MALRD1: variants seen among roughly 807,000 people sequenced by gnomAD.
MALRD1 encodes MAM and LDL receptor class A domain containing 1, also known as MAM and LDL-receptor class A domain-containing protein 1.
In MALRD1, 247 loss-of-function variants were observed where a neutral mutation model predicts 242.1. That is an observed-to-expected ratio of 1.02 (90% confidence interval 0.92 to 1.13). MALRD1 has a LOEUF of 1.13. Among genes scored for constraint, MALRD1 ranks in the 50% most tolerant of loss-of-function variants. The pLI is 0.00. For synonymous variants in MALRD1, 995 were observed against 866.6 expected, an observed-to-expected ratio of 1.15 and a Z score of -2.60; for missense variants, 2,989 against 2,533.1, an observed-to-expected ratio of 1.18 and a Z score of -3.86.
rs1835109539 is a variant in MALRD1, at chr10:19,173,829, T to C, written c.1831-1379T>C. 1.3e-5 allele frequency among the ~76,000 whole-genome samples: 2 copies of C among 152,204 alleles called. 1 individual carries two copies. The highest frequency in any genetic ancestry group is 4.8e-5 in the African/African-American group (2 of 41,454). ...GTCTTCTTTGAGTCTCCTAGTATCT[T>C]ATACTTATTTCTTATACAGCATTTA... On this transcript the variant is annotated intron_variant, in intron 13 of 39. Coordinates refer to ENST00000454679, the MANE Select transcript of MALRD1 (RefSeq NM_001142308.3).
At chr10:19,644,754 A>T (rs1291320553) in intron 36 of MALRD1, among the ~76,000 whole-genome samples, 2 of 152,178 alleles carry the variant, frequency 1.3e-5, no homozygotes, top group Admixed American at 6.5e-5. Context: ...TTACTTTCAG[A>T]TGGTGAATTT....
At position 19,217,760 on chromosome 10, in the gene MALRD1, G is replaced by A. The variant is rs979548941; in HGVS notation, c.2991+8080G>A. Among the ~76,000 whole-genome samples the A allele has an allele frequency of 9.2e-5, 14 of 151,956 alleles. 1 individual carries two copies. Among genetic ancestry groups the A allele is most frequent in the African/African-American group, 3.4e-4 (14 of 41,428 alleles). ...AGGATGGTCTCGATCTCTTGACCTT[G>A]TGATCTGCCCACGTTGGCCTCCCAA... On this transcript the variant is annotated intron_variant, in intron 18 of 39. Coordinates refer to ENST00000454679, the MANE Select transcript of MALRD1 (RefSeq NM_001142308.3).
At chr10:19,314,846 C>A (rs769096365) in intron 21 of MALRD1, among the ~76,000 whole-genome samples, 6 of 150,992 alleles carry the variant, frequency 4.0e-5, no homozygotes, top group South Asian at 2.1e-4. Flanking sequence ...TGTAGACCAG[C>A]GCAACGTGAA....
intron 4 of MALRD1, among the ~76,000 whole-genome samples, chr10:19,095,263 C>T (rs1434799617): frequency 6.6e-6 from 1 of 152,138 alleles, no homozygotes; most frequent in Non-Finnish European, 1.5e-5. Flanking sequence ...GGCATAGTTT[C>T]TTAATTGATT....
At chr10:19,526,092 A>ATTTT (rs1351807578) in intron 31 of MALRD1, among the ~76,000 whole-genome samples, 6 of 149,428 alleles carry the variant, frequency 4.0e-5, no homozygotes, top group Admixed American at 1.3e-4. Flanking sequence ...TATATTCTGA[A>ATTTT]CTTTGTGCAA....
At chr10:19,303,286 G>C (rs1049222605) in intron 21 of MALRD1, among the ~76,000 whole-genome samples, 12 of 151,534 alleles carry the variant, frequency 7.9e-5, no homozygotes, top group African/African-American at 2.9e-4. Context: ...AATTACTACA[G>C]AGACAACAAT....
chr10:19,467,207 T>G, intron 29 of MALRD1, among the ~76,000 whole-genome samples: 1 of 113,992 alleles, frequency 8.8e-6, no homozygotes, highest in African/African-American at 3.2e-5. Flanking sequence ...ACAAAAAAAT[T>G]AGCCGGGTGT....
chr10:19,343,558 C>A (rs1308760075), intron 24 of MALRD1, among the ~76,000 whole-genome samples: 1 of 152,062 alleles, frequency 6.6e-6, no homozygotes, highest in Non-Finnish European at 1.5e-5. Context: ...TTTGCTTTAT[C>A]ATGTTGAGAA....
chr10:19,588,451 C>G (rs1237215440), intron 33 of MALRD1, among the ~76,000 whole-genome samples: 1 of 152,110 alleles, frequency 6.6e-6, no homozygotes, highest in Non-Finnish European at 1.5e-5. Context: ...AGTGTCCAAG[C>G]TCTATTTGAA....
intron 21 of MALRD1, among the ~76,000 whole-genome samples, chr10:19,293,472 T>A (rs1841545362): frequency 6.6e-6 from 1 of 152,214 alleles, no homozygotes; most frequent in Non-Finnish European, 1.5e-5. Context: ...TTATTTGCAT[T>A]TTCATATATA....
chr10:19,525,967 G>A (rs1164362970), intron 31 of MALRD1, among the ~76,000 whole-genome samples: 1 of 152,152 alleles, frequency 6.6e-6, no homozygotes, highest in Non-Finnish European at 1.5e-5. Flanking sequence ...TTCTGTGAAT[G>A]TTGTTGATCT....
intron 36 of MALRD1, among the ~76,000 whole-genome samples, chr10:19,666,452 A>G (rs1841688834): frequency 6.6e-6 from 1 of 152,150 alleles, no homozygotes; most frequent in African/African-American, 2.4e-5. Context: ...CTTTCACTGC[A>G]GTATTCCCTG....
chr10:19,524,130 T>C (rs1035058197), intron 31 of MALRD1, among the ~76,000 whole-genome samples: 1 of 152,102 alleles, frequency 6.6e-6, no homozygotes, highest in Non-Finnish European at 1.5e-5. Context: ...TCTGACAACT[T>C]TGAGGAAACT....
intron 36 of MALRD1, among the ~76,000 whole-genome samples, chr10:19,689,121 C>G (rs1242054641): frequency 6.6e-6 from 1 of 152,188 alleles, no homozygotes; most frequent in African/African-American, 2.4e-5. Flanking sequence ...GTACAGACAT[C>G]TGACCTTAAG....
intron 11 of MALRD1, among the ~76,000 whole-genome samples, chr10:19,154,533 AT>A (rs1026863617): frequency 5.9e-5 from 9 of 152,158 alleles, no homozygotes; most frequent in African/African-American, 1.7e-4. Context: ...TCCCCTGCAC[AT>A]TTGCCATGAG....
In MALRD1 at chr10:19,155,969, A is replaced by G. The variant is rs540896566; in HGVS notation, c.1656+797A>G. 5.3e-5 allele frequency among the ~76,000 whole-genome samples: 8 copies of G among 152,290 alleles called. No individual in the cohort carries two copies. In the South Asian group the frequency reaches 1.7e-3, roughly 32 times the overall value. ...TCCATAAAAGTAACACCTAAATCAGAGGTCTGTATTCAGCTTGTCTTATTT... is the reference window on the plus strand; with the variant it reads ...TCCATAAAAGTAACACCTAAATCAGGGGTCTGTATTCAGCTTGTCTTATTT... On this transcript the variant is annotated intron_variant, in intron 12 of 39. Transcript: ENST00000454679.
At position 19,203,832 on chromosome 10, in the gene MALRD1, T is replaced by C; in HGVS notation, c.2056T>C (p.Phe686Leu). ...RSSQSELSAD[F>L]EHQAPPRDHS... ...CTCTCAGAGTGAACTTTCTGCTGAT[T>C]TTGAGCACCAGGCTCCACCTCGGGA... The change falls in exon 15 of 40, where the codon TTT becomes CTT. Residue 686 changes from phenylalanine (F) to leucine (L), a missense_variant. Coordinates refer to ENST00000454679, the MANE Select transcript of MALRD1 (RefSeq NM_001142308.3). 2 of 1,550,540 alleles carry C rather than the reference T, an allele frequency of 1.3e-6. No individual in the cohort carries two copies. Among genetic ancestry groups the C allele is most frequent in the Non-Finnish European group, 1.7e-6 (2 of 1,146,922 alleles).
chr10:19,114,621 GA>G (rs969346767), intron 5 of MALRD1, among the ~76,000 whole-genome samples: 265 of 150,422 alleles, frequency 1.8e-3, no homozygotes, highest in African/African-American at 6.1e-3. Flanking sequence ...CTCTGTCCTG[GA>G]AAAAAAAATG....
At chr10:19,052,885 G>T (rs1429311483) in intron 1 of MALRD1, among the ~76,000 whole-genome samples, 2 of 152,072 alleles carry the variant, frequency 1.3e-5, no homozygotes, top group Non-Finnish European at 2.9e-5. Context: ...CTTTATCGAG[G>T]GGTGATGCTT....
Sources: allele counts gnomAD v4.1 joint callset (sites outside exome capture counted in the v4.1 genomes callset), GRCh38; gene constraint gnomAD v4.1.1; transcripts MANE v1.5; gene names NCBI Gene and HGNC (gene_info 2026-07-23, HGNC 2026-07-21).